CNBD1: variants seen among roughly 807,000 people sequenced by gnomAD.
CNBD1 encodes the protein cyclic nucleotide-binding domain-containing protein 1.
In CNBD1, 71 loss-of-function variants were observed where a neutral mutation model predicts 54.4. The observed-to-expected ratio is 1.30, with a 90% CI of 1.08 to 1.59. The LOEUF (loss-of-function observed/expected upper bound fraction) is 1.59, where lower values mean the gene tolerates loss of function less well. Among genes scored for constraint, CNBD1 ranks in the 40% most tolerant of loss-of-function variants. CNBD1 has a pLI of 0.00. For synonymous variants in CNBD1, 182 were observed against 170.7 expected (o/e 1.07, Z -0.51); for missense variants, 659 against 518.0 (o/e 1.27, Z -2.64).
At chr8:87,179,742 A>G (rs2878863) in intron 4 of CNBD1, among the ~76,000 whole-genome samples, 139,200 of 152,218 alleles carry the variant, frequency 0.91, 64,077 homozygotes, top group African/African-American at 0.98. Flanking sequence ...ATAATCATTC[A>G]CTACAGATTG....
intron 2 of CNBD1, among the ~76,000 whole-genome samples, chr8:86,891,390 T>C (rs1222911696): frequency 6.6e-6 from 1 of 152,064 alleles, no homozygotes; most frequent in East Asian, 1.9e-4. Context: ...CAAAAATCAA[T>C]TTATTATAAC....
chr8:87,186,517 T>TAAAC (rs1212440464), intron 4 of CNBD1, among the ~76,000 whole-genome samples: 1 of 151,952 alleles, frequency 6.6e-6, no homozygotes, highest in Non-Finnish European at 1.5e-5. Flanking sequence ...AAAGAAACAA[T>TAAAC]AAACAAACAA....
chr8:87,279,252 G>T (rs1373956758), intron 6 of CNBD1, among the ~76,000 whole-genome samples: 2 of 151,076 alleles, frequency 1.3e-5, no homozygotes, highest in Non-Finnish European at 3.0e-5. Context: ...GTAATAACTA[G>T]ACTAATCAAC....
At chr8:87,223,310 A>C (rs1464138362) in intron 5 of CNBD1, among the ~76,000 whole-genome samples, 1 of 151,576 alleles carries the variant, frequency 6.6e-6, no homozygotes, top group Non-Finnish European at 1.5e-5. Flanking sequence ...TTACATACGT[A>C]TACATGTGCC....
chr8:87,398,846 G>C (rs759859650), intron 2 of CNBD1, among the ~76,000 whole-genome samples: 4 of 151,824 alleles, frequency 2.6e-5, no homozygotes, highest in African/African-American at 4.8e-5. Flanking sequence ...TGTTAATATT[G>C]TTTTCAGAAT....
chr8:87,203,736 T>C (rs1238511771), intron 4 of CNBD1, among the ~76,000 whole-genome samples: 1 of 152,208 alleles, frequency 6.6e-6, no homozygotes, highest in East Asian at 1.9e-4. Context: ...CCATCAAGAA[T>C]GAATATGTAT....
At chr8:86,929,280 CCATGGGCATGTAGGATTAGAGAAG>C (rs1162687643) in intron 3 of CNBD1, among the ~76,000 whole-genome samples, 11 of 152,128 alleles carry the variant, frequency 7.2e-5, no homozygotes, top group Admixed American at 5.9e-4. Context: ...CCATATTGTA[CCATGGGCATGTAGGATTAGAGAAG>C]CATACTTGCT....
At chr8:87,344,412 TATC>T (rs1251709289) in intron 8 of CNBD1, among the ~76,000 whole-genome samples, 1 of 152,100 alleles carries the variant, frequency 6.6e-6, no homozygotes, top group Non-Finnish European at 1.5e-5. Context: ...GATTTTATCA[TATC>T]ATTTTAAGAT....
chr8:86,896,540 T>A (rs75865617), intron 2 of CNBD1, among the ~76,000 whole-genome samples: 4 of 152,158 alleles, frequency 2.6e-5, no homozygotes, highest in Non-Finnish European at 1.5e-5. Flanking sequence ...AATTTATTAC[T>A]AAATTGGGTT....
chr8:86,984,042 A>T (rs911306738), intron 4 of CNBD1, among the ~76,000 whole-genome samples: 4 of 152,184 alleles, frequency 2.6e-5, no homozygotes, highest in African/African-American at 9.6e-5. Context: ...CTAGGAGAAA[A>T]AAACGGTTTC....
chr8:87,211,045 G>A (rs962601040), intron 5 of CNBD1, among the ~76,000 whole-genome samples: 3 of 152,140 alleles, frequency 2.0e-5, no homozygotes, highest in African/African-American at 7.2e-5. Context: ...GCTATTCAAG[G>A]CCTTGGGAGC....
At chr8:87,212,110 A>T (rs961552421) in intron 5 of CNBD1, among the ~76,000 whole-genome samples, 1 of 152,204 alleles carries the variant, frequency 6.6e-6, no homozygotes, top group Non-Finnish European at 1.5e-5. Context: ...TAAGAAATTC[A>T]GTTCAATTTG....
At chr8:87,271,895 T>C (rs1257850125) in intron 6 of CNBD1, among the ~76,000 whole-genome samples, 1 of 151,922 alleles carries the variant, frequency 6.6e-6, no homozygotes, top group African/African-American at 2.4e-5. Flanking sequence ...GAAAATGTGG[T>C]ATATATACAC....
At chr8:86,877,905 G>T (rs1808547652) in intron 1 of CNBD1, among the ~76,000 whole-genome samples, 1 of 151,900 alleles carries the variant, frequency 6.6e-6, no homozygotes, top group Admixed American at 6.6e-5. Flanking sequence ...GTTAGCCTCT[G>T]TGTCTATGGC....
intron 3 of CNBD1, chr8:87,428,646 A>G (rs779344768): frequency 6.7e-6 from 3 of 447,048 alleles, no homozygotes; most frequent in South Asian, 4.8e-5. Flanking sequence ...AATAAATGTC[A>G]CTCTTCATAG....
At chr8:86,993,370 A>G (rs536565850) in intron 4 of CNBD1, among the ~76,000 whole-genome samples, 12 of 152,056 alleles carry the variant, frequency 7.9e-5, no homozygotes, top group African/African-American at 2.9e-4. Flanking sequence ...GGATTGTTTT[A>G]CTAGAGTCCT....
At position 87,135,002 on chromosome 8, in the gene CNBD1, A is replaced by T. The variant is rs566411094; in HGVS notation, c.432-70991A>T. On this transcript the variant is annotated intron_variant, in intron 4 of 10. Transcript: ENST00000518476. ...GCTTATAGTGTTTATTAATGTTCAC[A>T]CTTAGAGTTAGGTCATTAAAAATAC... Among the ~76,000 whole-genome samples, 3 of 152,258 alleles carry T rather than the reference A, an allele frequency of 2.0e-5. No homozygotes were observed. In the East Asian group the frequency reaches 5.8e-4, roughly 29 times the overall value.
downstream of CNBD1, among the ~76,000 whole-genome samples, chr8:87,385,422 T>C (rs1262706201): frequency 5.3e-5 from 8 of 151,930 alleles, no homozygotes; most frequent in Admixed American, 5.2e-4. Flanking sequence ...GCCACCCTAA[T>C]ACTGCGCTTT....
intron 4 of CNBD1, among the ~76,000 whole-genome samples, chr8:87,017,726 A>G (rs1033215288): frequency 6.6e-6 from 1 of 152,170 alleles, no homozygotes; most frequent in Non-Finnish European, 1.5e-5. Flanking sequence ...TTAAAGAAGG[A>G]TTAAAATATA....
Sources: gnomAD v4.1 joint callset for allele counts (sites outside exome capture counted in the v4.1 genomes callset) on GRCh38, gnomAD v4.1.1 for gene constraint, MANE v1.5 for transcripts, NCBI Gene and HGNC (gene_info 2026-07-23, HGNC 2026-07-21) for gene names.